CCSER1: variants seen among roughly 807,000 people sequenced by gnomAD.
CCSER1 encodes the protein serine-rich coiled-coil domain-containing protein 1.
Under a neutral mutation model 82.0 loss-of-function variants are expected in CCSER1, and 41 were observed. That is an observed-to-expected ratio of 0.50 (90% CI 0.39 to 0.65). The LOEUF is 0.65. Ranked by LOEUF, CCSER1 falls within the 30% of genes least tolerant of loss-of-function variation. The pLI, the probability that CCSER1 is intolerant of heterozygous loss-of-function variation, is 0.00. For missense variants in CCSER1, 1,119 were observed against 1,064.2 expected (o/e 1.05, Z -0.72); for synonymous variants, 414 against 383.9 (o/e 1.08, Z -0.92).
chr4:90,756,618 A>G (rs1749573126), intron 7 of CCSER1, among the ~76,000 whole-genome samples: 1 of 152,152 alleles, frequency 6.6e-6, no homozygotes, highest in Non-Finnish European at 1.5e-5. Flanking sequence ...CTCTAATTTT[A>G]ATTTTGATAT....
At chr4:91,279,221 C>A (rs2149199047) in intron 10 of CCSER1, among the ~76,000 whole-genome samples, 1 of 152,156 alleles carries the variant, frequency 6.6e-6, no homozygotes, top group East Asian at 1.9e-4. Context: ...TGACTTTTGA[C>A]AATTTGACTA....
At chr4:90,579,017 A>ACTGAAAGG (rs57855383) in intron 5 of CCSER1, among the ~76,000 whole-genome samples, 1 of 151,158 alleles carries the variant, frequency 6.6e-6, no homozygotes, top group African/African-American at 2.4e-5. Flanking sequence ...GTTGTCTATT[A>ACTGAAAGG]AAAAAAGCTT....
chr4:90,612,052 T>A (rs1276402521), intron 5 of CCSER1, among the ~76,000 whole-genome samples: 1 of 151,908 alleles, frequency 6.6e-6, no homozygotes, highest in African/African-American at 2.4e-5. Flanking sequence ...GCTGTAGACA[T>A]GCCAATAACA....
chr4:90,132,627 AT>A (rs1262883860), intron 1 of CCSER1, among the ~76,000 whole-genome samples: 1 of 152,172 alleles, frequency 6.6e-6, no homozygotes, highest in Non-Finnish European at 1.5e-5. Context: ...TGCAGCCTAA[AT>A]TTTTTTAAAA....
intron 4 of CCSER1, among the ~76,000 whole-genome samples, chr4:90,425,695 T>C (rs2153563443): frequency 6.6e-6 from 1 of 152,310 alleles, no homozygotes; most frequent in South Asian, 2.1e-4. Flanking sequence ...ACCAAACTGA[T>C]CTTGATCATT....
At chr4:91,513,431 C>T (rs1352257310) in intron 10 of CCSER1, among the ~76,000 whole-genome samples, 8 of 151,960 alleles carry the variant, frequency 5.3e-5, no homozygotes, top group African/African-American at 1.7e-4. Context: ...TTCCTTTTCC[C>T]ATGAGTCTTT....
At chr4:91,415,241 G>C (rs1186893929) in intron 10 of CCSER1, among the ~76,000 whole-genome samples, 1 of 152,070 alleles carries the variant, frequency 6.6e-6, no homozygotes, top group East Asian at 1.9e-4. Context: ...AATGCTAGCA[G>C]TTTTTGCAGA....
In CCSER1 at chr4:91,426,776, T is replaced by G. The variant is rs182400436; in HGVS notation, c.2218-171796T>G. On this transcript the variant is annotated intron_variant, in intron 10 of 10. Transcript: ENST00000509176. Reference sequence around the variant, plus strand: ...ATACTTAATAGTCTTCTAAAAACAATTTTGAAAAGTAAAACAGACTTTAAA... The same window carrying G: ...ATACTTAATAGTCTTCTAAAAACAAGTTTGAAAAGTAAAACAGACTTTAAA... Among the ~76,000 whole-genome samples, 14 of 152,262 alleles carry G rather than the reference T, an allele frequency of 9.2e-5. No homozygotes were observed. The East Asian group carries it at 2.7e-3, about 29-fold the overall frequency.
At chr4:90,338,337 CTGT>C (rs1234880430) in intron 3 of CCSER1, among the ~76,000 whole-genome samples, 1 of 152,158 alleles carries the variant, frequency 6.6e-6, no homozygotes, top group Non-Finnish European at 1.5e-5. Context: ...TGTTTTCTTT[CTGT>C]TGTTTTCAAT....
At chr4:90,748,288 TG>T (rs776976772) in intron 7 of CCSER1, among the ~76,000 whole-genome samples, 2 of 150,058 alleles carry the variant, frequency 1.3e-5, no homozygotes, top group Non-Finnish European at 3.0e-5. Context: ...TATGCGGTGT[TG>T]GGTTTTTTGT....
chr4:91,149,098 A>G (rs1729859005), intron 10 of CCSER1, among the ~76,000 whole-genome samples: 1 of 152,326 alleles, frequency 6.6e-6, no homozygotes, highest in Admixed American at 6.5e-5. Context: ...AGTCCCACCA[A>G]CAGTGCAAAA....
chr4:90,441,745 G>A (rs924666993), intron 4 of CCSER1, among the ~76,000 whole-genome samples: 1 of 152,178 alleles, frequency 6.6e-6, no homozygotes, highest in African/African-American at 2.4e-5. Flanking sequence ...CAAGTACCTC[G>A]TGTCTGTGCT....
intron 1 of CCSER1, among the ~76,000 whole-genome samples, chr4:90,131,326 G>A (rs907540055): frequency 1.3e-5 from 2 of 152,210 alleles, no homozygotes; most frequent in Non-Finnish European, 2.9e-5. Context: ...TAGACAATAT[G>A]TACTTGTATT....
At chr4:91,536,270 T>C (rs1282501477) in intron 10 of CCSER1, among the ~76,000 whole-genome samples, 1 of 152,118 alleles carries the variant, frequency 6.6e-6, no homozygotes, top group East Asian at 1.9e-4. Context: ...ACAAGAAATA[T>C]TTATTGACTT....
At chr4:90,744,479 A>G (rs549426867) in intron 7 of CCSER1, among the ~76,000 whole-genome samples, 20 of 152,376 alleles carry the variant, frequency 1.3e-4, no homozygotes, top group Admixed American at 1.2e-3. Context: ...TATTTTAAAA[A>G]TGAATACTTC....
At chr4:90,642,543 A>G in intron 6 of CCSER1, 1 of 152,208 alleles carries the variant, frequency 6.6e-6, no homozygotes. Context: ...GTCATTTTAA[A>G]TATGTTATTT....
intron 10 of CCSER1, among the ~76,000 whole-genome samples, chr4:91,192,378 T>C (rs1316039806): frequency 6.6e-6 from 1 of 152,220 alleles, no homozygotes; most frequent in Non-Finnish European, 1.5e-5. Flanking sequence ...TTAAGTTTGA[T>C]ACCATGCTCA....
At chr4:91,040,486 A>G (rs572517773) in intron 9 of CCSER1, among the ~76,000 whole-genome samples, 187 of 152,300 alleles carry the variant, frequency 1.2e-3, no homozygotes, top group African/African-American at 4.3e-3. Flanking sequence ...GGGAAAGGAT[A>G]TTATCCTAAA....
At chr4:90,254,126 G>T (rs1722845415) in intron 1 of CCSER1, among the ~76,000 whole-genome samples, 1 of 152,252 alleles carries the variant, frequency 6.6e-6, no homozygotes, top group East Asian at 1.9e-4. Flanking sequence ...GAAGCTATCT[G>T]TCTCCTCTTA....
Sources: allele counts gnomAD v4.1 joint callset (sites outside exome capture counted in the v4.1 genomes callset), GRCh38; gene constraint gnomAD v4.1.1; transcripts MANE v1.5; gene names NCBI Gene and HGNC (gene_info 2026-07-23, HGNC 2026-07-21).